The following RNF214 variants were observed in gnomAD, a reference collection of about 807,000 sequenced individuals.
The protein encoded by RNF214 is ring finger protein 214.
A neutral mutation model predicts 75.9 loss-of-function variants in RNF214; 25 were observed. That is an observed-to-expected ratio of 0.33 (90% CI 0.24 to 0.46). The LOEUF (loss-of-function observed/expected upper bound fraction) is 0.46, where lower values mean the gene tolerates loss of function less well. RNF214 is among the 20% of genes least tolerant of loss of function. The pLI is 1.00. For missense variants in RNF214, 725 were observed against 857.5 expected (o/e 0.85, Z 1.93); for synonymous variants, 314 against 308.8 (o/e 1.02, Z -0.18).
chr11:117,250,198 A>C lies in RNF214; in HGVS notation c.959+3250A>C, dbSNP rs145349396. Among the ~76,000 whole-genome samples the C allele has an allele frequency of 7.2e-5, 11 of 152,330 alleles. No individual in the cohort carries two copies. The East Asian group carries it at 2.1e-3, about 29-fold the overall frequency. ...AGTCACAGAGGGCTTCCCAGGGAATATCATTCCAGAACTGAGTCCTGAAAA... is the reference window on the plus strand; with the variant it reads ...AGTCACAGAGGGCTTCCCAGGGAATCTCATTCCAGAACTGAGTCCTGAAAA... On this transcript the variant is annotated intron_variant, in intron 6 of 14. Coordinates refer to ENST00000300650, the MANE Select transcript of RNF214 (RefSeq NM_207343.4).
chr11:117,243,147 A>AATTTATTTATTT (rs199909646), intron 4 of RNF214, among the ~76,000 whole-genome samples: 6 of 150,342 alleles, frequency 4.0e-5, no homozygotes, highest in African/African-American at 1.5e-4. Flanking sequence ...TTAATTAATT[A>AATTTATTTATTT]ATTTATTTAT....
chr11:117,239,563 T>G (rs2033014337), intron 3 of RNF214: 1 of 526,986 alleles, frequency 1.9e-6, no homozygotes, highest in Non-Finnish European at 3.4e-6. Flanking sequence ...ATCTCAGACT[T>G]GAGGCTTTCT....
chr11:117,240,044 C>T (rs929809720), intron 4 of RNF214, among the ~76,000 whole-genome samples, 184 bp downstream of exon 4: 2 of 148,814 alleles, frequency 1.3e-5, no homozygotes, highest in African/African-American at 2.5e-5. Flanking sequence ...CAACCAGTTA[C>T]GTTTAAAAAA....
chr11:117,281,661 A>G lies in RNF214; in HGVS notation c.1298A>G (p.Gln433Arg), dbSNP rs866545291. Reference sequence around the variant, plus strand: ...GGAGCCAAGCTGAGCAGCCTTCCTCAAATCCCTACTCCCACTTTACCTCCA... The same window carrying G: ...GGAGCCAAGCTGAGCAGCCTTCCTCGAATCCCTACTCCCACTTTACCTCCA... The part of the protein sequence containing the change: ...RNGAKLSSLP[Q>R]IPTPTLPPPP... The change falls in exon 10 of 15, where the codon CAA (glutamine) becomes CGA (arginine). Residue 433 changes from glutamine to arginine, a missense_variant. Gln to Arg is a conservative substitution (Grantham distance 43). This residue lies in a region of RNF214 where 363 missense variants were observed against 513.0 expected (regional missense o/e 0.71). Coordinates refer to ENST00000300650, the MANE Select transcript of RNF214 (RefSeq NM_207343.4). The G allele has an allele frequency of 6.2e-7, 1 of 1,613,924 alleles. No homozygotes were observed. The highest frequency in any genetic ancestry group is 8.5e-7 in the Non-Finnish European group (1 of 1,179,886).
intron 6 of RNF214, 150 bp downstream of exon 6, chr11:117,247,098 T>C: frequency 3.4e-6 from 2 of 584,356 alleles, no homozygotes; most frequent in East Asian, 2.9e-5. Flanking sequence ...CTTTAGCTTT[T>C]TCAGTATCAA....
At chr11:117,283,021 A>T in intron 13 of RNF214, 94 bp from the exon 14 acceptor site, 2 of 1,058,902 alleles carry the variant, frequency 1.9e-6, no homozygotes, top group Non-Finnish European at 2.8e-6. Flanking sequence ...GTTTCTTTTG[A>T]TATAAATCTT....
chr11:117,260,779 C>T (rs1369601639), intron 6 of RNF214, among the ~76,000 whole-genome samples: 2 of 149,904 alleles, frequency 1.3e-5, no homozygotes, highest in Admixed American at 6.7e-5. Flanking sequence ...CTTAGCCTCC[C>T]GAGTAGCTGG....
At chr11:117,250,820 A>G (rs2033357382) in intron 6 of RNF214, among the ~76,000 whole-genome samples, 1 of 146,892 alleles carries the variant, frequency 6.8e-6, no homozygotes, top group Non-Finnish European at 1.5e-5. Context: ...ATGACTCTTA[A>G]CGAGCATGCT....
At chr11:117,246,676 C>T in intron 5 of RNF214, 133 bp from the exon 6 acceptor site, 1 of 942,172 alleles carries the variant, frequency 1.1e-6, no homozygotes, top group South Asian at 2.6e-5. Context: ...TCATCAACCA[C>T]ATTCTTTCAA....
In RNF214 at chr11:117,285,068, GTCTT is replaced by G. The variant is rs2034225075; in HGVS notation, c.2047-7_2047-4del. The G allele has an allele frequency of 2.5e-6, 4 of 1,581,486 alleles. No individual in the cohort carries two copies. Among genetic ancestry groups the G allele is most frequent in the Non-Finnish European group, 2.6e-6 (3 of 1,150,806 alleles). On this transcript the variant is annotated splice_polypyrimidine_tract_variant and intron_variant, in intron 14 of 14. Coordinates refer to ENST00000300650, the MANE Select transcript of RNF214 (RefSeq NM_207343.4). ...GTTTTTCCAGATAAACCTGAGGTGT[GTCTT>G]TCTTTCTTTCCAGTGTATCAAATTC...
chr11:117,282,308 A>G, intron 11 of RNF214, 38 bp downstream of exon 11: 3 of 1,580,242 alleles, frequency 1.9e-6, no homozygotes, highest in South Asian at 1.2e-5. Context: ...TGTCTCTATC[A>G]GAGAAATGCT....
chr11:117,280,563 T>C (rs1345248192), intron 8 of RNF214, among the ~76,000 whole-genome samples: 28 of 152,106 alleles, frequency 1.8e-4, no homozygotes, highest in Admixed American at 1.8e-3. Context: ...TCCCAGCACT[T>C]TGGGAGGTCG....
chr11:117,242,765 A>G (rs1482098033), intron 4 of RNF214, among the ~76,000 whole-genome samples: 1 of 152,162 alleles, frequency 6.6e-6, no homozygotes, highest in African/African-American at 2.4e-5. Context: ...AGGCAGAGAG[A>G]ATTGCTTGAA....
intron 6 of RNF214, among the ~76,000 whole-genome samples, chr11:117,253,127 C>T (rs570061461): frequency 6.6e-6 from 1 of 152,168 alleles, no homozygotes; most frequent in Non-Finnish European, 1.5e-5. Context: ...ATCCTCCTGC[C>T]TCAGCTTCCC....
At chr11:117,236,128 T>A (rs1359601699) in intron 2 of RNF214, among the ~76,000 whole-genome samples, 2 of 151,472 alleles carry the variant, frequency 1.3e-5, no homozygotes, top group East Asian at 3.9e-4. Flanking sequence ...GCCCGGCTAA[T>A]TTTTGTATTT....
intron 6 of RNF214, among the ~76,000 whole-genome samples, chr11:117,257,291 G>A (rs575767332): frequency 6.6e-6 from 1 of 152,164 alleles, no homozygotes; most frequent in African/African-American, 2.4e-5. Context: ...AGCCATGACT[G>A]TGCCACTGCA....
At chr11:117,263,529 C>T (rs201227341) in intron 6 of RNF214, among the ~76,000 whole-genome samples, 13 of 152,168 alleles carry the variant, frequency 8.5e-5, no homozygotes, top group African/African-American at 1.2e-4. Context: ...CCGCCTCGGC[C>T]TCCCAAAGTG....
At position 117,244,702 on chromosome 11, in the gene RNF214, G is replaced by A. The variant is rs1591820469; in HGVS notation, c.819+117G>A. On this transcript the variant is annotated intron_variant, in intron 5 of 14. Coordinates refer to ENST00000300650, the MANE Select transcript of RNF214 (RefSeq NM_207343.4). ...TATTTTTGAGACAGAGTCTCACTCT[G>A]TCACTCAGGCTGGAATGTGGTAGCA... is the stretch of plus-strand genomic sequence containing the variant. The A allele has an allele frequency of 4.0e-6, 3 of 756,800 alleles. No homozygotes were observed. The East Asian group carries it at 1.0e-4, about 26-fold the overall frequency. 46.9% of individuals were successfully genotyped at this position (756,800 alleles called of 1,614,324 possible). A position where few individuals can be genotyped will look rare whatever the true frequency, so the allele number is the denominator to read the frequency against.
At chr11:117,251,981 G>T (rs562535671) in intron 6 of RNF214, among the ~76,000 whole-genome samples, 2 of 152,300 alleles carry the variant, frequency 1.3e-5, no homozygotes, top group East Asian at 3.9e-4. Flanking sequence ...TGATTCTCCT[G>T]CCTCAGCCTC....
Sources: gnomAD v4.1 joint callset for allele counts (sites outside exome capture counted in the v4.1 genomes callset) on GRCh38, gnomAD v4.1.1 for gene constraint, gnomAD v4.1.1 regional missense constraint, MANE v1.5 for transcripts, NCBI Gene and HGNC (gene_info 2026-07-23, HGNC 2026-07-21) for gene names.